BBS9: variants seen among roughly 807,000 people sequenced by gnomAD.
The protein encoded by BBS9 is Bardet-Biedl syndrome 9, also known as protein PTHB1.
A neutral mutation model predicts 117.7 loss-of-function variants in BBS9; 89 were observed. The observed-to-expected ratio is 0.76, with a 90% CI of 0.64 to 0.90. The LOEUF (loss-of-function observed/expected upper bound fraction) is 0.90. Among genes scored for constraint, BBS9 ranks in the 40% least tolerant of loss-of-function variants. BBS9 has a pLI of 0.00. For synonymous variants in BBS9, 379 were observed against 370.9 expected (o/e 1.02, Z -0.25); for missense variants, 982 against 1,042.2 (o/e 0.94, Z 0.80).
chr7:33,469,462 A>C (rs1006712480), intron 19 of BBS9, among the ~76,000 whole-genome samples: 3 of 152,196 alleles, frequency 2.0e-5, no homozygotes, highest in Admixed American at 6.5e-5. Context: ...TAATATTACA[A>C]AGTCCTATCT....
At chr7:33,353,947 C>T (rs868216623) in intron 15 of BBS9, among the ~76,000 whole-genome samples, 8 of 151,770 alleles carry the variant, frequency 5.3e-5, no homozygotes, top group Non-Finnish European at 1.0e-4. Flanking sequence ...GCTAGATTGC[C>T]TGTAATTTTT....
chr7:33,240,393 G>A (rs577436523), intron 5 of BBS9, among the ~76,000 whole-genome samples: 1 of 151,966 alleles, frequency 6.6e-6, no homozygotes, highest in South Asian at 2.1e-4. Context: ...GAGTAGCTGG[G>A]ACAACAGGCA....
At chr7:33,363,809 C>CGTT (rs926826979) in intron 16 of BBS9, among the ~76,000 whole-genome samples, 1 of 150,758 alleles carries the variant, frequency 6.6e-6, no homozygotes, top group Non-Finnish European at 1.5e-5. Context: ...ACATTCTTAT[C>CGTT]GTTTTCTTCT....
At chr7:33,367,297 G>C (rs1166104271) in intron 16 of BBS9, among the ~76,000 whole-genome samples, 1 of 151,898 alleles carries the variant, frequency 6.6e-6, no homozygotes, top group Non-Finnish European at 1.5e-5. Flanking sequence ...TTTTTATTTT[G>C]TTTTTAAGTC....
At chr7:33,378,074 C>T (rs1316922837) in intron 17 of BBS9, among the ~76,000 whole-genome samples, 1 of 152,158 alleles carries the variant, frequency 6.6e-6, no homozygotes, top group Non-Finnish European at 1.5e-5. Context: ...TATTTTCATC[C>T]TTATTACCAT....
At chr7:33,489,580 A>G (rs772042581) in intron 19 of BBS9, among the ~76,000 whole-genome samples, 3 of 152,120 alleles carry the variant, frequency 2.0e-5, no homozygotes, top group Non-Finnish European at 4.4e-5. Flanking sequence ...CTGATATACC[A>G]GAAGTTTTAT....
intron 20 of BBS9, among the ~76,000 whole-genome samples, chr7:33,524,391 G>T (rs1253478428): frequency 6.6e-6 from 1 of 152,072 alleles, no homozygotes; most frequent in East Asian, 1.9e-4. Context: ...GACTCTTTTT[G>T]GTTGGTAAAC....
In BBS9 at chr7:33,257,437, A is replaced by G. The variant is rs750189073; in HGVS notation, c.617+27A>G. 3.7e-6 allele frequency: 6 copies of G among 1,610,340 alleles called. No individual in the cohort carries two copies. The East Asian group carries it at 1.1e-4, about 30-fold the overall frequency. ...TAAGTTTGGATGTTAAGTCTTCAGA[A>G]TCATGATTTTTTGGTGCGTTTGTTG... On this transcript the variant is annotated intron_variant, in intron 6 of 22. Coordinates refer to ENST00000242067, the MANE Select transcript of BBS9 (RefSeq NM_198428.3).
At chr7:33,513,913 C>T (rs1847344337) in intron 20 of BBS9, among the ~76,000 whole-genome samples, 2 of 152,142 alleles carry the variant, frequency 1.3e-5, no homozygotes, top group African/African-American at 4.8e-5. Context: ...TATGGTCTTT[C>T]CTGAGAGTCC....
At chr7:33,359,326 A>G (rs937290552) in intron 16 of BBS9, among the ~76,000 whole-genome samples, 2 of 152,056 alleles carry the variant, frequency 1.3e-5, no homozygotes, top group African/African-American at 2.4e-5. Flanking sequence ...ATGCAACCCA[A>G]TTAGAATTGA....
intron 21 of BBS9, among the ~76,000 whole-genome samples, chr7:33,548,698 A>G (rs932817871): frequency 3.9e-5 from 6 of 151,900 alleles, no homozygotes; most frequent in Admixed American, 3.3e-4. Context: ...AGAATAAAAT[A>G]CCTAGGAATC....
At position 33,527,069 on chromosome 7, in the gene BBS9, G is replaced by A. The variant is rs1003354801; in HGVS notation, c.2299-6885G>A. Among the ~76,000 whole-genome samples the A allele has an allele frequency of 3.1e-5, 4 of 130,442 alleles. No individual in the cohort carries two copies. In the South Asian group the frequency reaches 8.1e-4, roughly 27 times the overall value. 85.6% of individuals were successfully genotyped at this position (130,442 alleles called of 152,430 possible). On this transcript the variant is annotated intron_variant, in intron 20 of 22. Coordinates refer to ENST00000242067, the MANE Select transcript of BBS9 (RefSeq NM_198428.3). Reference sequence around the variant, plus strand: ...CCCAGTTAGGCTGCTCGGGGGTCAGGGGTCAGGCACCCACTTGAGGAGGCA... The same window carrying A: ...CCCAGTTAGGCTGCTCGGGGGTCAGAGGTCAGGCACCCACTTGAGGAGGCA...
intron 21 of BBS9, among the ~76,000 whole-genome samples, chr7:33,601,752 A>G (rs546661579): frequency 6.2e-4 from 95 of 152,108 alleles, no homozygotes; most frequent in Non-Finnish European, 1.1e-3. Context: ...TTTTTGCAAG[A>G]TACGCAGTCA....
chr7:33,384,715 T>TGTGTGAGAGA (rs370625971), intron 18 of BBS9, among the ~76,000 whole-genome samples: 5,657 of 144,662 alleles, frequency 0.039, 161 homozygotes, highest in Non-Finnish European at 0.065. Flanking sequence ...TGTGTGTGTG[T>TGTGTGAGAGA]GAGAGAGAGA....
chr7:33,311,237 G>A (rs560118122), intron 9 of BBS9, among the ~76,000 whole-genome samples: 8 of 152,274 alleles, frequency 5.3e-5, no homozygotes, highest in African/African-American at 1.7e-4. Flanking sequence ...TAGGGTAGGG[G>A]ATGGGAGGTA....
At chr7:33,289,511 A>C (rs115945270) in intron 9 of BBS9, among the ~76,000 whole-genome samples, 1,703 of 152,270 alleles carry the variant, frequency 0.011, 40 homozygotes, top group African/African-American at 0.039. Flanking sequence ...TGAATTAGAA[A>C]TTACTAGTAT....
Position 33,218,841 on chromosome 7 carries a change from G to A in BBS9, c.443-38395G>A, listed in dbSNP as rs376904052. The stretch of plus-strand genomic sequence containing the variant: ...GCCCTTGCAGCCCTCGCTCGCTCTC[G>A]GCACCTCCTCTGCCTGGGCTCCCAC... On this transcript the variant is annotated intron_variant, in intron 5 of 22. Coordinates refer to ENST00000242067, the MANE Select transcript of BBS9 (RefSeq NM_198428.3). 1.6e-4 allele frequency among the ~76,000 whole-genome samples: 25 copies of A among 152,380 alleles called. No homozygotes were observed. In the East Asian group the frequency reaches 4.2e-3, roughly 26 times the overall value.
At chr7:33,397,613 T>C (rs369968813) in intron 19 of BBS9, among the ~76,000 whole-genome samples, 2 of 152,186 alleles carry the variant, frequency 1.3e-5, no homozygotes, top group African/African-American at 4.8e-5. Flanking sequence ...GTGGTACATA[T>C]GCACCATGGA....
intron 21 of BBS9, among the ~76,000 whole-genome samples, chr7:33,554,570 G>A (rs1854975909): frequency 6.6e-6 from 1 of 152,110 alleles, no homozygotes; most frequent in Admixed American, 6.5e-5. Flanking sequence ...TGGTAAAATG[G>A]GGAAGTCTGA....
Sources: allele counts gnomAD v4.1 joint callset (sites outside exome capture counted in the v4.1 genomes callset), GRCh38; gene constraint gnomAD v4.1.1; transcripts MANE v1.5; gene names NCBI Gene and HGNC (gene_info 2026-07-23, HGNC 2026-07-21).